SPTBN5: variants seen among roughly 807,000 people sequenced by gnomAD.
SPTBN5 encodes spectrin beta chain, non-erythrocytic 5.
Under a neutral mutation model 477.6 loss-of-function variants are expected in SPTBN5, and 513 were observed. The observed-to-expected ratio is 1.07, with a 90% CI of 1.00 to 1.16. SPTBN5 has a LOEUF of 1.16. Among genes scored for constraint, SPTBN5 ranks in the 50% most tolerant of loss-of-function variants. The pLI is 0.00. For synonymous variants in SPTBN5, 2,169 were observed against 2,011.7 expected (o/e 1.08, Z -2.09); for missense variants, 5,062 against 4,731.8 (o/e 1.07, Z -2.05).
At position 41,882,642 on chromosome 15, in the gene SPTBN5, C is replaced by T. The variant is rs1353005890; in HGVS notation, c.1989G>A (p.Gly663=). The change falls in exon 10 of 68, where the codon GGG becomes GGA. Residue 663 remains glycine (G), a synonymous_variant. Coordinates refer to ENST00000320955, the MANE Select transcript of SPTBN5 (RefSeq NM_016642.4). ...TGAGATCCCGGCCCAGGGCCGCATTCCCCACCCGCTGTCCGCACTCCTTCA... is the reference window on the plus strand; with the variant it reads ...TGAGATCCCGGCCCAGGGCCGCATTTCCCACCCGCTGTCCGCACTCCTTCA... The part of the protein sequence containing the change: ...AWLKECGQRV[G]NAALGRDLSQ... The T allele has an allele frequency of 1.9e-6, 3 of 1,607,770 alleles. No individual in the cohort carries two copies. Among genetic ancestry groups the T allele is most frequent in the Non-Finnish European group, 1.7e-6 (2 of 1,177,842 alleles).
At chr15:41,855,846 G>A (rs2065916684) in intron 53 of SPTBN5, 101 bp from the exon 54 acceptor site, 1 of 1,291,838 alleles carries the variant, frequency 7.7e-7, no homozygotes, top group African/African-American at 1.5e-5. Flanking sequence ...GAATCACCTG[G>A]GAGCTGTCAC....
In SPTBN5 at chr15:41,876,242, C is replaced by T. The variant is rs899477837; in HGVS notation, c.3994G>A (p.Glu1332Lys). ...DVAELMQWME[E>K]KGLMAAHEPS... ...TCATGCGCAGCCATCAGCCCCTTCT[C>T]TTCCATCCACTGCATCAGCTCTGCC... The change falls in exon 21 of 68, where the codon GAG (glutamate) becomes AAG (lysine). Residue 1332 changes from glutamate to lysine, a missense_variant. Coordinates refer to ENST00000320955, the MANE Select transcript of SPTBN5 (RefSeq NM_016642.4). The T allele has an allele frequency of 2.5e-6, 4 of 1,597,196 alleles. No homozygotes were observed. The highest frequency in any genetic ancestry group is 2.2e-5 in the South Asian group (2 of 90,656).
chr15:41,848,542 C>G lies in SPTBN5; in HGVS notation c.*74G>C, dbSNP rs1219684466. ...CGGGAAGGAGCCCTTTTGCCTGTAGCTGAGTCTTATTCTGGTCCCTTAGAT... is the reference window on the plus strand; with the variant it reads ...CGGGAAGGAGCCCTTTTGCCTGTAGGTGAGTCTTATTCTGGTCCCTTAGAT... On this transcript the variant is annotated 3_prime_UTR_variant, in exon 68 of 68. Transcript: ENST00000320955. 4 of 1,582,916 alleles carry G rather than the reference C, an allele frequency of 2.5e-6. No individual in the cohort carries two copies. The highest frequency in any genetic ancestry group is 2.2e-5 in the East Asian group (1 of 44,740).
intron 28 of SPTBN5, 31 bp from the exon 29 acceptor site, chr15:41,871,551 C>A (rs945184452): frequency 2.1e-6 from 3 of 1,441,614 alleles, no homozygotes; most frequent in Non-Finnish European, 2.7e-6. Flanking sequence ...GACAGGGTAG[C>A]CCCCAGCTGG....
chr15:41,886,395 GT>G (rs1239357489), intron 6 of SPTBN5, 29 bp from the exon 7 acceptor site: 1 of 1,552,582 alleles, frequency 6.4e-7, no homozygotes, highest in Non-Finnish European at 8.7e-7. Context: ...AGGGGTCAGG[GT>G]CCTTCTCAGG....
rs923131937 is a variant in SPTBN5 at position 41,874,040 on chromosome 15, G to C, written c.4695C>G (p.Leu1565=). 1.3e-6 allele frequency: 2 copies of C among 1,591,998 alleles called. No homozygotes were observed. Among genetic ancestry groups the C allele is most frequent in the Non-Finnish European group, 1.7e-6 (2 of 1,176,270 alleles). ...AQSLHRKHKE[L]QVEVKAHQGQ... ...CCTGGTGAGCTTTTACCTCCACCTG[G>C]AGCTCCTGCCACAGAGTGGCTTGAG... Residue 1565 remains leucine, a synonymous_variant, in exon 25 of 68, where the codon CTC becomes CTG. Coordinates refer to ENST00000320955, the MANE Select transcript of SPTBN5 (RefSeq NM_016642.4).
Position 41,882,420 on chromosome 15 carries a change from A to G in SPTBN5, c.2096T>C (p.Val699Ala). The G allele has an allele frequency of 2.0e-6, 3 of 1,533,664 alleles. No individual in the cohort carries two copies. Among genetic ancestry groups the G allele is most frequent in the Non-Finnish European group, 2.6e-6 (3 of 1,146,544 alleles). Reference sequence around the variant, plus strand: ...GGCGCTGAGGTCGCGTCCCCTCCGCACGAGATCTACGCACACGGCCTGGTG... The same window carrying G: ...GGCGCTGAGGTCGCGTCCCCTCCGCGCGAGATCTACGCACACGGCCTGGTG... Reference protein sequence around the residue: ...HRHQAVCVDLVRRGRDLSARR... With the variant: ...HRHQAVCVDLARRGRDLSARR... Residue 699 changes from valine to alanine, a missense_variant, in exon 11 of 68, where the codon GTG becomes GCG. Transcript: ENST00000320955.
intron 3 of SPTBN5, among the ~76,000 whole-genome samples, chr15:41,891,764 A>G (rs997701885): frequency 2.0e-5 from 3 of 152,180 alleles, no homozygotes. Context: ...GAGCATCTCC[A>G]TAAGCGAATG....
In SPTBN5 at chr15:41,876,206, C is replaced by T. The variant is rs746344160; in HGVS notation, c.4030G>A (p.Ala1344Thr). The change falls in exon 21 of 68, where the codon GCG becomes ACG. Residue 1344 changes from alanine (A) to threonine (T), a missense_variant. Ala to Thr is a moderately conservative substitution (Grantham distance 58, BLOSUM62 0). Coordinates refer to ENST00000320955, the MANE Select transcript of SPTBN5 (RefSeq NM_016642.4). ...GLMAAHEPSG[A>T]RRNILQTLKR... ...AGTGTCTGCAGGATGTTTCTGCGCG[C>T]TCCGGAGGGCTCATGCGCAGCCATC... The T allele has an allele frequency of 1.2e-6, 2 of 1,605,098 alleles. No homozygotes were observed. The highest frequency in any genetic ancestry group is 2.2e-5 in the East Asian group (1 of 44,854).
chr15:41,892,946 C>G lies in SPTBN5; in HGVS notation c.332G>C (p.Arg111Pro). The G allele has an allele frequency of 6.2e-7, 1 of 1,608,554 alleles. No individual in the cohort carries two copies. Among genetic ancestry groups the G allele is most frequent in the Non-Finnish European group, 8.5e-7 (1 of 1,179,718 alleles). The change falls in exon 3 of 68, where the codon CGT becomes CCT. Residue 111 changes from arginine to proline, a missense_variant. Transcript: ENST00000320955. ...GCTGCTGTTCTCCAGGAAGTGCACA[C>G]GCAGGCGGCCCCGGCTCGGGGGTGG... ...ALPPPSRGRL[R>P]VHFLENSSRA... is the part of the protein sequence containing the mutation.
intron 6 of SPTBN5, among the ~76,000 whole-genome samples, chr15:41,886,742 A>C (rs891467757): frequency 3.3e-5 from 5 of 151,788 alleles, no homozygotes; most frequent in Non-Finnish European, 7.4e-5. Flanking sequence ...CCCCACCCAC[A>C]CCCCAAATGA....
chr15:41,854,497 G>A (rs1254816273), intron 56 of SPTBN5, among the ~76,000 whole-genome samples: 3 of 152,096 alleles, frequency 2.0e-5, no homozygotes, highest in South Asian at 4.1e-4. Context: ...GCCGGTTCTC[G>A]GGGATCTGGC....
In SPTBN5 at chr15:41,868,572, G is replaced by A. The variant is rs377495076; in HGVS notation, c.5883C>T (p.Arg1961=). ...CCTCCACCTGCAGGTCCTGGCGCACGCGGGCTGCCCAGGAGGCATAGTCAC... is the reference window on the plus strand; with the variant it reads ...CCTCCACCTGCAGGTCCTGGCGCACACGGGCTGCCCAGGAGGCATAGTCAC... ...AVRDYASWAA[R]VRQDLQVEES... The change falls in exon 33 of 68, where the codon CGC becomes CGT. Residue 1961 remains arginine (R), a synonymous_variant. Coordinates refer to ENST00000320955, the MANE Select transcript of SPTBN5 (RefSeq NM_016642.4). 6.4e-5 allele frequency: 102 copies of A among 1,601,374 alleles called. No individual in the cohort carries two copies. In the Middle Eastern group the frequency reaches 8.3e-4, roughly 13 times the overall value.
rs371730513 is a variant in SPTBN5, at chr15:41,878,404, C to G, written c.3408G>C (p.Ser1136=). Residue 1136 remains serine, a synonymous_variant, in exon 17 of 68, where the codon TCG becomes TCC. Transcript: ENST00000320955. ...RSKEVSVDVA[S]AQRLLREHQD... ...GGTGCTCCCTCAGCAGCCGCTGAGC[C>G]GAGGCCACATCCACTGACACCTCCT... 1.0e-4 allele frequency: 164 copies of G among 1,613,770 alleles called. No homozygotes were observed. The African/African-American group carries it at 1.9e-3, about 19-fold the overall frequency.
Position 41,870,260 on chromosome 15 carries a change from C to T in SPTBN5, c.5656G>A (p.Val1886Met), listed in dbSNP as rs959441177. The change falls in exon 31 of 68, where the codon GTG becomes ATG. Residue 1886 changes from valine (V) to methionine (M), a missense_variant. Coordinates refer to ENST00000320955, the MANE Select transcript of SPTBN5 (RefSeq NM_016642.4). ...GGGCTCACCTGCCGCTCGGTGCCCA[C>T]GAGTTCTCGCTCCAGCCCCTGGTGG... is the stretch of plus-strand genomic sequence containing the variant. ...RSHQGLEREL[V>M]GTERQLQELL... The T allele has an allele frequency of 7.7e-6, 12 of 1,550,576 alleles. 1 individual carries two copies. Among genetic ancestry groups the T allele is most frequent in the South Asian group, 5.9e-5 (5 of 84,072 alleles).
intron 46 of SPTBN5, 69 bp downstream of exon 46, chr15:41,861,350 C>G: frequency 7.2e-7 from 1 of 1,397,924 alleles, no homozygotes; most frequent in Non-Finnish European, 1.0e-6. Context: ...TCAGGCAGCA[C>G]TGGCTGGTTT....
chr15:41,860,718 T>A lies in SPTBN5; in HGVS notation c.7856A>T (p.Lys2619Met). ...APMEPLLWKH[K>M]MLEWDLEVQA... is the part of the protein sequence containing the mutation. ...CACCTCCAGGTCCCACTCCAGCATC[T>A]TGTGCTTCCACAGAAGGGGCTCCAT... Residue 2619 changes from lysine to methionine, a missense_variant, in exon 47 of 68, where the codon AAG becomes ATG. Physicochemically the swap from Lys to Met is moderately conservative, Grantham distance 95. Coordinates refer to ENST00000320955, the MANE Select transcript of SPTBN5 (RefSeq NM_016642.4). The A allele has an allele frequency of 6.2e-7, 1 of 1,601,308 alleles. No homozygotes were observed. Among genetic ancestry groups the A allele is most frequent in the South Asian group, 1.1e-5 (1 of 88,234 alleles).
chr15:41,868,414 C>G lies in SPTBN5; in HGVS notation c.6041G>C (p.Gly2014Ala). 1 of 1,604,018 alleles carries G rather than the reference C, an allele frequency of 6.2e-7. No individual in the cohort carries two copies. Among genetic ancestry groups the G allele is most frequent in the Non-Finnish European group, 8.5e-7 (1 of 1,174,200 alleles). ...QLGQQALLAA[G>A]TPTKEVQEEL... ...GGGGCCCACCTCCTTGGTGGGTGTC[C>G]CTGCAGCAAGAAGTGCCTGCTGCCC... Residue 2014 changes from glycine (G) to alanine (A), a missense_variant, in exon 33 of 68, where the codon GGG (glycine) becomes GCG (alanine). Coordinates refer to ENST00000320955, the MANE Select transcript of SPTBN5 (RefSeq NM_016642.4).
intron 3 of SPTBN5, among the ~76,000 whole-genome samples, chr15:41,891,556 T>A (rs563568316): frequency 1.4e-4 from 21 of 148,774 alleles, no homozygotes; most frequent in African/African-American, 5.2e-4. Context: ...TGATGGGGGG[T>A]ATTAACGCCA....
Sources: allele counts gnomAD v4.1 joint callset (sites outside exome capture counted in the v4.1 genomes callset), GRCh38; gene constraint gnomAD v4.1.1; transcripts MANE v1.5; gene names NCBI Gene and HGNC (gene_info 2026-07-23, HGNC 2026-07-21).